The following EIF5B variants were observed in gnomAD, a reference collection of about 807,000 sequenced individuals.
The protein encoded by EIF5B is eIF-5B.
In EIF5B, 47 loss-of-function variants were observed where a neutral mutation model predicts 147.5. That is an observed-to-expected ratio of 0.32 (90% CI 0.25 to 0.41). The LOEUF is 0.41. EIF5B is among the 10% of genes least tolerant of loss of function. The probability of loss-of-function intolerance (pLI) is 1.00; values close to 1 mark genes in which losing one functional copy is unlikely to be tolerated. For missense variants in EIF5B, 1,064 were observed against 1,413.2 expected, an observed-to-expected ratio of 0.75 and a Z score of 3.96; for synonymous variants, 455 against 456.2, an observed-to-expected ratio of 1.00 and a Z score of 0.03.
chr2:99,345,860 T>C (rs1357374593), intron 1 of EIF5B, among the ~76,000 whole-genome samples: 4 of 150,612 alleles, frequency 2.7e-5, no homozygotes. Context: ...GGAGGATTGC[T>C]GGAGCCTTGG....
intron 1 of EIF5B, among the ~76,000 whole-genome samples, chr2:99,358,725 C>A (rs1674144084): frequency 6.6e-6 from 1 of 152,118 alleles, no homozygotes; most frequent in South Asian, 2.1e-4. Context: ...GGCTTTTGTA[C>A]TTACTGTGTC....
chr2:99,340,429 C>T (rs746403791), intron 1 of EIF5B, among the ~76,000 whole-genome samples: 23 of 152,108 alleles, frequency 1.5e-4, no homozygotes, highest in Non-Finnish European at 2.8e-4. Flanking sequence ...ACTGTCATTC[C>T]ACCTCCCCTC....
intron 1 of EIF5B, among the ~76,000 whole-genome samples, chr2:99,353,529 T>C (rs1674026157): frequency 6.6e-6 from 1 of 152,230 alleles, no homozygotes; most frequent in Non-Finnish European, 1.5e-5. Flanking sequence ...TTTGTACTCT[T>C]TGTGTTTGTG....
chr2:99,360,430 C>G, intron 2 of EIF5B, 35 bp from the exon 3 acceptor site: 1 of 1,605,954 alleles, frequency 6.2e-7, no homozygotes, highest in Non-Finnish European at 8.5e-7. Context: ...AAAAACTATA[C>G]CAGTGCTTCA....
intron 9 of EIF5B, among the ~76,000 whole-genome samples, chr2:99,372,981 G>C (rs1173392847): frequency 6.6e-6 from 1 of 151,864 alleles, no homozygotes; most frequent in African/African-American, 2.4e-5. Context: ...CATGATTGTA[G>C]ATTGTCTATT....
Position 99,363,821 on chromosome 2 carries a change from A to G in EIF5B, c.1096A>G (p.Ile366Val), listed in dbSNP as rs761287210. 2 of 1,611,920 alleles carry G rather than the reference A, an allele frequency of 1.2e-6. No homozygotes were observed. The highest frequency in any genetic ancestry group is 2.2e-5 in the East Asian group (1 of 44,870). The change falls in exon 5 of 24, where the codon ATA becomes GTA. Residue 366 changes from isoleucine (I) to valine (V), a missense_variant. By Grantham distance (29) the Ile-to-Val change is conservative (BLOSUM62 3). This residue lies in a region of EIF5B where 458 missense variants were observed against 451.3 expected (regional missense o/e 1.01). Coordinates refer to ENST00000289371, the MANE Select transcript of EIF5B (RefSeq NM_015904.4). Reference protein sequence around the residue: ...ERQKREEEERIKRLEELEAKR... With the variant: ...ERQKREEEERVKRLEELEAKR... ...ACAGAAGAGAGAAGAGGAAGAACGT[A>G]TAAAACGGCTTGAAGAATTAGAAGC...
chr2:99,361,313 G>C lies in EIF5B; in HGVS notation c.412G>C (p.Asp138His). The C allele has an allele frequency of 6.2e-7, 1 of 1,601,932 alleles. No individual in the cohort carries two copies. The highest frequency in any genetic ancestry group is 8.5e-7 in the Non-Finnish European group (1 of 1,175,690). ...GAAAGTGGAAATGTACTCTGGGAGT[G>C]ATGATGATGATGATTTTAACAAACT... ...KPKVEMYSGSDDDDDFNKLPK... is the reference protein window; with the variant it reads ...KPKVEMYSGSHDDDDFNKLPK... The change falls in exon 4 of 24, where the codon GAT (aspartate) becomes CAT (histidine). Residue 138 changes from aspartate to histidine, a missense_variant. Asp to His is a moderately conservative substitution (Grantham distance 81). This residue lies in a region of EIF5B where 458 missense variants were observed against 451.3 expected (regional missense o/e 1.01). Coordinates refer to ENST00000289371, the MANE Select transcript of EIF5B (RefSeq NM_015904.4).
At chr2:99,351,789 C>G (rs1436445720) in intron 1 of EIF5B, among the ~76,000 whole-genome samples, 1 of 152,058 alleles carries the variant, frequency 6.6e-6, no homozygotes, top group Non-Finnish European at 1.5e-5. Context: ...CCTTTGTTTC[C>G]CAGGTTCAAG....
Position 99,361,150 on chromosome 2 carries a change from A to G in EIF5B, c.249A>G (p.Pro83=). Residue 83 remains proline, a splice_region_variant and synonymous_variant, in exon 4 of 24, where the codon CCA becomes CCG. Transcript: ENST00000289371. ...TTCTAACAATGGAAATTTTTTAGCC[A>G]ACAGAAAACAATGAAGAGGAATTCA... ...KADRETVAVK[P]TENNEEEFTS... is the part of the protein sequence containing the mutation. The G allele has an allele frequency of 6.7e-7, 1 of 1,483,082 alleles. No individual in the cohort carries two copies. The highest frequency in any genetic ancestry group is 8.9e-7 in the Non-Finnish European group (1 of 1,119,138). 91.9% of individuals were successfully genotyped at this position (1,483,082 alleles called of 1,614,324 possible).
At position 99,360,261 on chromosome 2, in the gene EIF5B, G is replaced by A; in HGVS notation, c.61G>A (p.Ala21Thr). The A allele has an allele frequency of 6.2e-7, 1 of 1,606,416 alleles. No individual in the cohort carries two copies. Among genetic ancestry groups the A allele is most frequent in the Non-Finnish European group, 8.5e-7 (1 of 1,177,882 alleles). Residue 21 changes from alanine to threonine, a missense_variant, in exon 2 of 24, where the codon GCC (alanine) becomes ACC (threonine). Coordinates refer to ENST00000289371, the MANE Select transcript of EIF5B (RefSeq NM_015904.4). ...CACCAAGGATGACATTGATCTTGAT[G>A]CCTTGGCTGCAGAAATAGAAGGAGC... ...DSTKDDIDLD[A>T]LAAEIEGAGA...
chr2:99,387,647 A>G (rs1674841136), intron 14 of EIF5B, among the ~76,000 whole-genome samples: 1 of 152,120 alleles, frequency 6.6e-6, no homozygotes, highest in African/African-American at 2.4e-5. Flanking sequence ...TTGGATTTCA[A>G]TATAAAGTTT....
chr2:99,353,784 G>A (rs1342762332), intron 1 of EIF5B, among the ~76,000 whole-genome samples: 1 of 152,126 alleles, frequency 6.6e-6, no homozygotes, highest in Non-Finnish European at 1.5e-5. Context: ...GTATATATAT[G>A]ACCTTTTGAG....
At chr2:99,348,637 T>A (rs2094278100) in intron 1 of EIF5B, among the ~76,000 whole-genome samples, 1 of 152,180 alleles carries the variant, frequency 6.6e-6, no homozygotes, top group African/African-American at 2.4e-5. Context: ...CTTATGCTCT[T>A]CTTGTTTACT....
chr2:99,398,968 C>A, intron 23 of EIF5B, 59 bp downstream of exon 23: 1 of 1,556,548 alleles, frequency 6.4e-7, no homozygotes, highest in Non-Finnish European at 8.7e-7. Flanking sequence ...CTTCTTGGGT[C>A]ACCTGTACCT....
intron 14 of EIF5B, among the ~76,000 whole-genome samples, chr2:99,383,509 C>T (rs1674734676): frequency 6.6e-6 from 1 of 152,182 alleles, no homozygotes; most frequent in Non-Finnish European, 1.5e-5. Context: ...ACAACACTCC[C>T]TTAAGCCAAA....
At chr2:99,395,523 T>C (rs1217873534) in intron 21 of EIF5B, among the ~76,000 whole-genome samples, 1 of 152,126 alleles carries the variant, frequency 6.6e-6, no homozygotes, top group Non-Finnish European at 1.5e-5. Flanking sequence ...TTGGTAGAGA[T>C]AGGGTTTCGC....
chr2:99,388,205 C>T (rs1362223647), intron 14 of EIF5B, among the ~76,000 whole-genome samples: 2 of 152,122 alleles, frequency 1.3e-5, no homozygotes, highest in Non-Finnish European at 2.9e-5. Context: ...GTGAGTTTTT[C>T]TAAGTATGTT....
intron 1 of EIF5B, among the ~76,000 whole-genome samples, chr2:99,351,181 A>G (rs1673945395): frequency 6.6e-6 from 1 of 152,252 alleles, no homozygotes; most frequent in South Asian, 2.1e-4. Context: ...CTAGAAATTC[A>G]TATAAGTAGA....
chr2:99,385,247 T>C (rs532644057), intron 14 of EIF5B, among the ~76,000 whole-genome samples: 1 of 152,348 alleles, frequency 6.6e-6, no homozygotes, highest in African/African-American at 2.4e-5. Context: ...GGTTTCTCCA[T>C]GTTGGTCAGG....
Sources: gnomAD v4.1 joint callset for allele counts (sites outside exome capture counted in the v4.1 genomes callset) on GRCh38, gnomAD v4.1.1 for gene constraint, gnomAD v4.1.1 regional missense constraint, MANE v1.5 for transcripts, NCBI Gene and HGNC (gene_info 2026-07-23, HGNC 2026-07-21) for gene names.